The following SRPK2 variants were observed in gnomAD, a reference collection of about 807,000 sequenced individuals.
The protein encoded by SRPK2 is SFRS protein kinase 2.
SRPK2 carries 21 observed loss-of-function variants against 90.8 expected under a neutral mutation model. That is an observed-to-expected ratio of 0.23 (90% CI 0.16 to 0.33). The LOEUF is 0.33. Among genes scored for constraint, SRPK2 ranks in the 10% least tolerant of loss-of-function variants. The pLI is 1.00. For missense variants in SRPK2, 620 were observed against 869.0 expected (o/e 0.71, Z 3.60); for synonymous variants, 288 against 311.1 (o/e 0.93, Z 0.78).
intron 15 of SRPK2, among the ~76,000 whole-genome samples, chr7:105,123,366 G>A (rs1047896496): frequency 5.3e-5 from 8 of 152,232 alleles, no homozygotes; most frequent in Non-Finnish European, 8.8e-5. Flanking sequence ...CTCTGGCTGC[G>A]TGGCAAGGAT....
intron 2 of SRPK2, among the ~76,000 whole-genome samples, chr7:105,287,256 G>T (rs1323194299): frequency 1.6e-5 from 1 of 63,682 alleles, no homozygotes; most frequent in South Asian, 7.7e-4. Context: ...GCGAGACTCC[G>T]TCTAAAAAAA....
intron 2 of SRPK2, among the ~76,000 whole-genome samples, chr7:105,237,826 T>C (rs1800322527): frequency 6.6e-6 from 1 of 152,198 alleles, no homozygotes; most frequent in African/African-American, 2.4e-5. Flanking sequence ...ATTTCTATTT[T>C]TCCTGCTTGG....
chr7:105,310,267 C>T (rs547210485), intron 2 of SRPK2, among the ~76,000 whole-genome samples: 4 of 152,270 alleles, frequency 2.6e-5, no homozygotes, highest in African/African-American at 9.6e-5. Context: ...ACATAGGTAG[C>T]AGATAAAACC....
chr7:105,242,251 C>T (rs182024206), intron 2 of SRPK2, among the ~76,000 whole-genome samples: 301 of 152,250 alleles, frequency 2.0e-3, no homozygotes, highest in Middle Eastern at 6.8e-3. Flanking sequence ...GTGGCTCATG[C>T]CAGTAATCCC....
At chr7:105,217,348 C>A (rs1473556835) in intron 2 of SRPK2, among the ~76,000 whole-genome samples, 1 of 152,250 alleles carries the variant, frequency 6.6e-6, no homozygotes, top group Middle Eastern at 3.4e-3. Context: ...AAGTGACTTA[C>A]CTAATTAAGC....
intron 2 of SRPK2, among the ~76,000 whole-genome samples, chr7:105,222,210 C>T (rs186978595): frequency 6.6e-6 from 1 of 152,308 alleles, no homozygotes; most frequent in African/African-American, 2.4e-5. Context: ...CATTTTAAAA[C>T]CAAACATAAT....
rs545362033 is a variant in SRPK2 at position 105,218,040 on chromosome 7, T to C, written c.72-14255A>G. Among the ~76,000 whole-genome samples, 90 of 152,232 alleles carry C rather than the reference T, an allele frequency of 5.9e-4. 1 individual carries two copies. Among genetic ancestry groups the C allele is most frequent in the Middle Eastern group, 6.8e-3 (2 of 292 alleles). On this transcript the variant is annotated intron_variant, in intron 2 of 15. Coordinates refer to ENST00000393651, the MANE Select transcript of SRPK2 (RefSeq NM_182692.3). ...CCTATGACGAAGAAAAAGGTGTCAA[T>C]AGATCTAGCTAGGAAAGGGCGTTCT...
chr7:105,379,680 T>A (rs1820715874), intron 2 of SRPK2, among the ~76,000 whole-genome samples: 1 of 152,114 alleles, frequency 6.6e-6, no homozygotes, highest in Non-Finnish European at 1.5e-5. Flanking sequence ...AACTGTACAA[T>A]TAAGACGAAT....
At chr7:105,127,266 T>C (rs1385347044) in intron 13 of SRPK2, among the ~76,000 whole-genome samples, 1 of 152,254 alleles carries the variant, frequency 6.6e-6, no homozygotes, top group African/African-American at 2.4e-5. Context: ...AGGAAAGATA[T>C]AAGAGCTATG....
intron 2 of SRPK2, among the ~76,000 whole-genome samples, chr7:105,368,596 C>A (rs2132399478): frequency 1.3e-5 from 2 of 152,138 alleles, no homozygotes; most frequent in Middle Eastern, 3.4e-3. Context: ...CATCAAGAGC[C>A]ACGCTCTGCT....
At chr7:105,305,845 A>G (rs1185249078) in intron 2 of SRPK2, among the ~76,000 whole-genome samples, 1 of 152,228 alleles carries the variant, frequency 6.6e-6, no homozygotes. Context: ...AAGGGTGATA[A>G]AGTACGGGGA....
chr7:105,385,167 C>G (rs1211668657), intron 2 of SRPK2, among the ~76,000 whole-genome samples: 1 of 119,206 alleles, frequency 8.4e-6, no homozygotes, highest in Non-Finnish European at 1.7e-5. Flanking sequence ...CCACCGCGCC[C>G]GGCATTTTTT....
intron 2 of SRPK2, among the ~76,000 whole-genome samples, chr7:105,309,934 C>T (rs1234374482): frequency 6.6e-6 from 1 of 152,170 alleles, no homozygotes; most frequent in African/African-American, 2.4e-5. Flanking sequence ...AGAAAAAAAT[C>T]ACACAGACAT....
rs76740650 is a variant in SRPK2, at chr7:105,377,192, G to C, written c.71+11456C>G. 3.6e-4 allele frequency among the ~76,000 whole-genome samples: 54 copies of C among 151,896 alleles called. No individual in the cohort carries two copies. The East Asian group carries it at 0.01, about 29-fold the overall frequency. ...GTTTCTGTAAGACAACTTTCTCCTG[G>C]GTCTCCCATCTCTCTGGCTCCTCCT... On this transcript the variant is annotated intron_variant, in intron 2 of 15. Transcript: ENST00000393651.
chr7:105,181,871 A>C (rs1282849558), intron 3 of SRPK2, among the ~76,000 whole-genome samples: 1 of 147,406 alleles, frequency 6.8e-6, no homozygotes. Flanking sequence ...CCCTGAACCT[A>C]AGATAAAAGT....
At chr7:105,284,649 A>G (rs1807818584) in intron 2 of SRPK2, among the ~76,000 whole-genome samples, 1 of 152,236 alleles carries the variant, frequency 6.6e-6, no homozygotes, top group Admixed American at 6.5e-5. Context: ...CTGTACTCCC[A>G]CACAGTACCC....
chr7:105,209,942 C>A (rs538307769), intron 2 of SRPK2, among the ~76,000 whole-genome samples: 21 of 152,056 alleles, frequency 1.4e-4, no homozygotes, highest in Admixed American at 1.4e-3. Flanking sequence ...CTTTCAATAT[C>A]ATACTATAAT....
chr7:105,323,136 G>A (rs1418554946), intron 2 of SRPK2, among the ~76,000 whole-genome samples: 1 of 151,936 alleles, frequency 6.6e-6, no homozygotes, highest in East Asian at 1.9e-4. Context: ...GCTACAATGA[G>A]CCAAGATGGC....
intron 2 of SRPK2, among the ~76,000 whole-genome samples, chr7:105,288,706 T>C (rs907809439): frequency 2.0e-5 from 3 of 152,134 alleles, no homozygotes; most frequent in Admixed American, 6.5e-5. Flanking sequence ...CAGAAGATAC[T>C]GCTGTTAGAA....
Sources: allele counts gnomAD v4.1 joint callset (sites outside exome capture counted in the v4.1 genomes callset), GRCh38; gene constraint gnomAD v4.1.1; transcripts MANE v1.5; gene names NCBI Gene and HGNC (gene_info 2026-07-23, HGNC 2026-07-21).